Variants in IL1RAPL2 observed in about 807,000 individuals in gnomAD.
IL1RAPL2 encodes the protein X-linked interleukin-1 receptor accessory protein-like 2.
In IL1RAPL2, 3 loss-of-function variants were observed where a neutral mutation model predicts 44.1. The observed-to-expected ratio is 0.07, with a 90% CI of 0.03 to 0.18. The LOEUF is 0.18. IL1RAPL2 is among the 10% of genes least tolerant of loss of function. The probability of loss-of-function intolerance (pLI) is 1.00; values close to 1 mark genes in which losing one functional copy is unlikely to be tolerated. For synonymous variants in IL1RAPL2, 181 were observed against 178.8 expected, an observed-to-expected ratio of 1.01 and a Z score of -0.10; for missense variants, 391 against 496.4, an observed-to-expected ratio of 0.79 and a Z score of 2.02.
chrX:105,218,841 T>A, intron 3 of IL1RAPL2: 3 of 610,102 alleles, frequency 4.9e-6, no homozygotes, highest in East Asian at 3.3e-5. Flanking sequence ...TCTCACCTCC[T>A]TCCCCCACTC....
intron 1 of IL1RAPL2, among the ~76,000 whole-genome samples, chrX:104,582,617 TTTC>T (rs1928389331): frequency 2.4e-5 from 1 of 40,872 alleles, no homozygotes; most frequent in Non-Finnish European, 5.1e-5. Context: ...TCTTTCTTTC[TTTC>T]TTTCTTTCTT....
chrX:104,977,230 A>G (rs746282283), intron 2 of IL1RAPL2, among the ~76,000 whole-genome samples: 1 of 111,829 alleles, frequency 8.9e-6, no homozygotes, highest in African/African-American at 3.3e-5. Flanking sequence ...GCTGTCACAC[A>G]TGAGGTGCAA....
At chrX:104,924,774 T>C (rs774297784) in intron 2 of IL1RAPL2, among the ~76,000 whole-genome samples, 8 of 111,009 alleles carry the variant, frequency 7.2e-5, no homozygotes, top group Non-Finnish European at 7.6e-5. Context: ...GAACCTAATG[T>C]CACACTTCAA....
At chrX:104,861,702 A>G (rs1225779386) in intron 2 of IL1RAPL2, among the ~76,000 whole-genome samples, 1 of 111,511 alleles carries the variant, frequency 9.0e-6, no homozygotes, top group Non-Finnish European at 1.9e-5. Context: ...GTAAAATTGC[A>G]TAGTATTTGC....
At chrX:104,589,622 C>T (rs977699524) in intron 1 of IL1RAPL2, among the ~76,000 whole-genome samples, 4 of 112,209 alleles carry the variant, frequency 3.6e-5, no homozygotes, top group East Asian at 2.8e-4. Flanking sequence ...TATATTTTTG[C>T]GACATGTAGG....
At chrX:105,197,757 C>CTTT (rs781888965) in intron 3 of IL1RAPL2, among the ~76,000 whole-genome samples, 3 of 104,586 alleles carry the variant, frequency 2.9e-5, no homozygotes, top group Admixed American at 2.1e-4. Context: ...CAACTGATAG[C>CTTT]TTTTTTTTTT....
chrX:104,995,456 A>G (rs2030731744), intron 2 of IL1RAPL2, among the ~76,000 whole-genome samples: 1 of 111,767 alleles, frequency 8.9e-6, no homozygotes, highest in African/African-American at 3.2e-5. Context: ...TAAAAGTGTG[A>G]TTACTTGTAC....
intron 2 of IL1RAPL2, among the ~76,000 whole-genome samples, chrX:104,676,361 C>G (rs1284746633): frequency 9.0e-6 from 1 of 111,139 alleles, no homozygotes; most frequent in Non-Finnish European, 1.9e-5. Context: ...ACTTATGAAG[C>G]TTAGTTTGGC....
At chrX:105,758,332 T>TA (rs1294396172) in intron 10 of IL1RAPL2, among the ~76,000 whole-genome samples, 1 of 111,683 alleles carries the variant, frequency 9.0e-6, no homozygotes, top group African/African-American at 3.3e-5. Flanking sequence ...CTTTTTGTAC[T>TA]ACTCTCACGG....
intron 6 of IL1RAPL2, among the ~76,000 whole-genome samples, chrX:105,662,562 C>CTAA (rs1176891413): frequency 8.9e-6 from 1 of 112,155 alleles, no homozygotes; most frequent in Non-Finnish European, 1.9e-5. Flanking sequence ...TAGTTCCTCT[C>CTAA]TCTTAGAGTA....
intron 2 of IL1RAPL2, among the ~76,000 whole-genome samples, chrX:104,711,063 G>A (rs1208571418): frequency 8.1e-5 from 9 of 111,454 alleles, no homozygotes; most frequent in African/African-American, 1.3e-4. Context: ...AGCTCTCTGC[G>A]TGTTATTGTC....
At chrX:105,152,258 C>T (rs907051093) in intron 2 of IL1RAPL2, among the ~76,000 whole-genome samples, 1 of 112,043 alleles carries the variant, frequency 8.9e-6, no homozygotes, top group African/African-American at 3.2e-5. Flanking sequence ...TACTGCTGAA[C>T]ATGAATGCAT....
At chrX:104,877,502 T>C (rs928130216) in intron 2 of IL1RAPL2, among the ~76,000 whole-genome samples, 3 of 112,582 alleles carry the variant, frequency 2.7e-5, no homozygotes, top group Admixed American at 9.4e-5. Context: ...AAAAAGAGAA[T>C]TTTATATCTT....
intron 2 of IL1RAPL2, among the ~76,000 whole-genome samples, chrX:104,768,855 T>C (rs1932598228): frequency 9.0e-6 from 1 of 111,347 alleles, no homozygotes; most frequent in Non-Finnish European, 1.9e-5. Context: ...TCTTTATTCA[T>C]TGTTACCTGT....
At chrX:104,627,290 A>G (rs1443281279) in intron 1 of IL1RAPL2, among the ~76,000 whole-genome samples, 2 of 91,999 alleles carry the variant, frequency 2.2e-5, no homozygotes, top group Non-Finnish European at 4.2e-5. Flanking sequence ...GATGATTTCC[A>G]CATGGACACA....
At chrX:105,356,239 G>T (rs1187137042) in intron 5 of IL1RAPL2, among the ~76,000 whole-genome samples, 1 of 110,171 alleles carries the variant, frequency 9.1e-6, no homozygotes, top group African/African-American at 3.3e-5. Flanking sequence ...TATGGGTAGG[G>T]TGATAGATTT....
At chrX:105,290,325 T>C (rs887012732) in intron 5 of IL1RAPL2, among the ~76,000 whole-genome samples, 3 of 111,662 alleles carry the variant, frequency 2.7e-5, no homozygotes, top group African/African-American at 9.8e-5. Flanking sequence ...TGTATAGTGC[T>C]ATAGTAGAGA....
At chrX:105,560,783 G>A (rs373588691) in intron 6 of IL1RAPL2, among the ~76,000 whole-genome samples, 19 of 109,387 alleles carry the variant, frequency 1.7e-4, no homozygotes, top group South Asian at 7.8e-4. Flanking sequence ...TATGGAGTAC[G>A]GTGACATATT....
chrX:105,016,041 T>C (rs1011765193), intron 2 of IL1RAPL2, among the ~76,000 whole-genome samples: 4 of 111,475 alleles, frequency 3.6e-5, no homozygotes, highest in Non-Finnish European at 7.5e-5. Context: ...CCCTTGTAAG[T>C]TGGATTCCTA....
Sources: gnomAD v4.1 joint callset for allele counts (sites outside exome capture counted in the v4.1 genomes callset) on GRCh38, gnomAD v4.1.1 for gene constraint, MANE v1.5 for transcripts, NCBI Gene and HGNC (gene_info 2026-07-23, HGNC 2026-07-21) for gene names.